Variants in ACER2 observed in about 807,000 individuals in gnomAD.
The protein encoded by ACER2 is alkCDase 2.
A neutral mutation model predicts 34.7 loss-of-function variants in ACER2; 26 were observed. That is an observed-to-expected ratio of 0.75 (90% CI 0.55 to 1.04). The LOEUF (loss-of-function observed/expected upper bound fraction) is 1.04, where lower values mean the gene tolerates loss of function less well. ACER2 is among the 50% of genes least tolerant of loss of function. The pLI, the probability that ACER2 is intolerant of heterozygous loss-of-function variation, is 0.00. For synonymous variants in ACER2, 138 were observed against 132.1 expected (o/e 1.04, Z -0.31); for missense variants, 352 against 340.8 (o/e 1.03, Z -0.26).
chr9:19,426,964 GC>G (rs1264695142), intron 3 of ACER2, among the ~76,000 whole-genome samples: 3 of 152,168 alleles, frequency 2.0e-5, no homozygotes, highest in African/African-American at 7.2e-5. Flanking sequence ...CCAGCAGCCT[GC>G]AGCATTTCTC....
intron 1 of ACER2, among the ~76,000 whole-genome samples, chr9:19,413,851 G>A (rs1334194279): frequency 3.3e-5 from 5 of 152,132 alleles, no homozygotes; most frequent in African/African-American, 7.2e-5. Context: ...TAGAGCTCTC[G>A]TTATATGCCA....
chr9:19,436,463 A>C (rs971006215), intron 4 of ACER2, among the ~76,000 whole-genome samples: 6 of 152,142 alleles, frequency 3.9e-5, no homozygotes, highest in Admixed American at 6.6e-5. Flanking sequence ...AAATAACCAA[A>C]CCTGCCATTT....
At chr9:19,430,826 C>T (rs1830730584) in intron 3 of ACER2, among the ~76,000 whole-genome samples, 1 of 152,026 alleles carries the variant, frequency 6.6e-6, no homozygotes, top group African/African-American at 2.4e-5. Context: ...AGGGTGGTGG[C>T]AGGTGCCTGT....
intron 3 of ACER2, among the ~76,000 whole-genome samples, chr9:19,430,587 C>G (rs1830721008): frequency 6.6e-6 from 1 of 152,094 alleles, no homozygotes; most frequent in East Asian, 1.9e-4. Flanking sequence ...CACAGGATGT[C>G]CTTGTTGGCC....
At chr9:19,425,097 T>C (rs1274198301) in intron 3 of ACER2, among the ~76,000 whole-genome samples, 1 of 152,234 alleles carries the variant, frequency 6.6e-6, no homozygotes, top group African/African-American at 2.4e-5. Context: ...CCCAGTGGTT[T>C]AAGAATTAGC....
At chr9:19,424,116 C>A in intron 2 of ACER2, 140 bp downstream of exon 2, 1 of 843,328 alleles carries the variant, frequency 1.2e-6, no homozygotes, top group Non-Finnish European at 1.9e-6. Flanking sequence ...ACTTTTTTTT[C>A]CCACTTGCTT....
intron 1 of ACER2, among the ~76,000 whole-genome samples, chr9:19,416,005 G>C (rs913816495): frequency 6.6e-6 from 1 of 151,174 alleles, no homozygotes; most frequent in Non-Finnish European, 1.5e-5. Flanking sequence ...TAAATGTGAA[G>C]AAAATGAGGA....
In ACER2 at chr9:19,452,301, T is replaced by C. The variant is rs367672499; in HGVS notation, c.*1665T>C. Among the ~76,000 whole-genome samples the C allele has an allele frequency of 2.0e-5, 3 of 152,326 alleles. No homozygotes were observed. Among genetic ancestry groups the C allele is most frequent in the East Asian group, 3.9e-4 (2 of 5,190 alleles). ...TTGACACATCCAGGAACTCTTACTCTAGTTAGAATTTGTACCAGATCCAAG... is the reference window on the plus strand; with the variant it reads ...TTGACACATCCAGGAACTCTTACTCCAGTTAGAATTTGTACCAGATCCAAG... On this transcript the variant is annotated 3_prime_UTR_variant, in exon 6 of 6. Coordinates refer to ENST00000340967, the MANE Select transcript of ACER2 (RefSeq NM_001010887.3).
chr9:19,429,020 C>T (rs1372509316), intron 3 of ACER2, among the ~76,000 whole-genome samples: 1 of 151,546 alleles, frequency 6.6e-6, no homozygotes, highest in Non-Finnish European at 1.5e-5. Context: ...GAACTCCTGA[C>T]CTCATGATCC....
intron 5 of ACER2, among the ~76,000 whole-genome samples, chr9:19,449,564 C>T (rs1831488812): frequency 6.6e-6 from 1 of 152,094 alleles, no homozygotes; most frequent in African/African-American, 2.4e-5. Context: ...AAGATCCCCT[C>T]CTCCCCAACA....
rs1028166761 is a variant in ACER2, at chr9:19,424,320, C to A, written c.223+344C>A. On this transcript the variant is annotated intron_variant, in intron 2 of 5. Transcript: ENST00000340967. ...AAAGAAAAAAATGTAGATGTTTGAT[C>A]CCTCATTGTTTTGTGAAATACTTGT... 4 of 948,180 alleles carry A rather than the reference C, an allele frequency of 4.2e-6. No individual in the cohort carries two copies. In the African/African-American group the frequency reaches 7.1e-5, roughly 17 times the overall value. 58.7% of individuals were successfully genotyped at this position (948,180 alleles called of 1,614,324 possible).
In ACER2 at chr9:19,441,276, G is replaced by C. The variant is rs199844636; in HGVS notation, c.504-5005G>C. On this transcript the variant is annotated intron_variant, in intron 4 of 5. Transcript: ENST00000340967. Reference sequence around the variant, plus strand: ...ATGTTAGCCAGGATGGTCTCAATCTGCTGACCTCATGATCTGCCCTCCTTG... The same window carrying C: ...ATGTTAGCCAGGATGGTCTCAATCTCCTGACCTCATGATCTGCCCTCCTTG... 2.6e-5 allele frequency among the ~76,000 whole-genome samples: 4 copies of C among 152,118 alleles called. No individual in the cohort carries two copies. In the South Asian group the frequency reaches 6.2e-4, roughly 24 times the overall value.
At chr9:19,410,652 A>G (rs957573309) in intron 1 of ACER2, among the ~76,000 whole-genome samples, 6 of 152,164 alleles carry the variant, frequency 3.9e-5, no homozygotes, top group African/African-American at 1.2e-4. Flanking sequence ...GAAGGCTGCA[A>G]TGAACTGAGA....
chr9:19,438,226 G>A (rs552023997), intron 4 of ACER2, among the ~76,000 whole-genome samples: 1 of 152,320 alleles, frequency 6.6e-6, no homozygotes, highest in Admixed American at 6.5e-5. Flanking sequence ...AGATCTCATA[G>A]TCTTGCAGTA....
chr9:19,440,026 A>G (rs1195703776), intron 4 of ACER2, among the ~76,000 whole-genome samples: 1 of 150,564 alleles, frequency 6.6e-6, no homozygotes, highest in South Asian at 2.1e-4. Context: ...TTACTCTTCA[A>G]CTCTTGCCAA....
chr9:19,418,158 T>C (rs1408817066), intron 1 of ACER2, among the ~76,000 whole-genome samples: 2 of 152,168 alleles, frequency 1.3e-5, no homozygotes, highest in African/African-American at 4.8e-5. Flanking sequence ...TACCATCTCA[T>C]GCCAGTTAGA....
chr9:19,442,014 C>G (rs1465377116), intron 4 of ACER2, among the ~76,000 whole-genome samples: 2 of 152,244 alleles, frequency 1.3e-5, no homozygotes, highest in Middle Eastern at 3.4e-3. Context: ...AAGCTTGTTT[C>G]TAGTCATTTC....
At chr9:19,446,192 G>A (rs1362988284) in intron 4 of ACER2, 89 bp from the exon 5 acceptor site, 3 of 1,588,882 alleles carry the variant, frequency 1.9e-6, no homozygotes, top group South Asian at 1.1e-5. Context: ...AGGCATGAGA[G>A]GAACCAGCGA....
intron 1 of ACER2, among the ~76,000 whole-genome samples, chr9:19,418,086 CAT>C (rs1365626160): frequency 2.0e-5 from 3 of 152,170 alleles, no homozygotes; most frequent in African/African-American, 4.8e-5. Context: ...GGCCTACAAA[CAT>C]ATGAAAAAAG....
Sources: allele counts gnomAD v4.1 joint callset (sites outside exome capture counted in the v4.1 genomes callset), GRCh38; gene constraint gnomAD v4.1.1; transcripts MANE v1.5; gene names NCBI Gene and HGNC (gene_info 2026-07-23, HGNC 2026-07-21).